FBN3: variants seen among roughly 807,000 people sequenced by gnomAD.
The protein encoded by FBN3 is fibrillin 3.
Under a neutral mutation model 330.1 loss-of-function variants are expected in FBN3, and 234 were observed. That is an observed-to-expected ratio of 0.71 (90% CI 0.64 to 0.79). The LOEUF (loss-of-function observed/expected upper bound fraction) is 0.79, where lower values mean the gene tolerates loss of function less well. Among genes scored for constraint, FBN3 ranks in the 30% least tolerant of loss-of-function variants. The pLI is 0.00. For missense variants in FBN3, 3,606 were observed against 3,886.9 expected (o/e 0.93, Z 1.92); for synonymous variants, 1,458 against 1,517.3 (o/e 0.96, Z 0.91).
At chr19:8,092,012 C>T (rs2082107006) in intron 47 of FBN3, among the ~76,000 whole-genome samples, 1 of 151,840 alleles carries the variant, frequency 6.6e-6, no homozygotes, top group African/African-American at 2.4e-5. Flanking sequence ...AAACCATCTA[C>T]TAACAATACA....
chr19:8,128,615 T>A (rs2083050447), intron 18 of FBN3, among the ~76,000 whole-genome samples: 1 of 152,052 alleles, frequency 6.6e-6, no homozygotes, highest in Non-Finnish European at 1.5e-5. Flanking sequence ...TATATGTGTC[T>A]TTGAGTGTGT....
At chr19:8,142,239 G>A in intron 6 of FBN3, 102 bp from the exon 7 acceptor site, 1 of 886,796 alleles carries the variant, frequency 1.1e-6, no homozygotes, top group East Asian at 2.7e-5. Context: ...CCACAGACCA[G>A]GCTTTACTTA....
In FBN3 at chr19:8,065,962, C is replaced by T; in HGVS notation, c.8387G>A (p.Trp2796Ter). The T allele has an allele frequency of 6.2e-7, 1 of 1,609,846 alleles. No homozygotes were observed. Among genetic ancestry groups the T allele is most frequent in the Non-Finnish European group, 8.5e-7 (1 of 1,177,760 alleles). The change falls in exon 64 of 64, where the codon TGG becomes TAG. Residue 2796 changes from tryptophan to a stop codon, truncating the protein, a stop_gained. Transcript: ENST00000600128. LOFTEE classifies it low-confidence loss of function (END_TRUNC). ...CACCTTCAGCCTCAAGGCCTGGCCCCATGGCCCTGGCTGCCCCTCTGGCTG... is the reference window on the plus strand; with the variant it reads ...CACCTTCAGCCTCAAGGCCTGGCCCTATGGCCCTGGCTGCCCCTCTGGCTG... ...GVQPEGQPGP[W>*]GQALRLKVQL...
chr19:8,075,589 T>G (rs748972633), intron 59 of FBN3, among the ~76,000 whole-genome samples, 178 bp from the exon 60 acceptor site: 33 of 152,234 alleles, frequency 2.2e-4, no homozygotes, highest in Non-Finnish European at 4.4e-4. Flanking sequence ...GGCACCAATG[T>G]TTGAGATCCT....
Position 8,109,853 on chromosome 19 carries a change from C to G in FBN3, c.4334-100G>C. ...AGCTACAGCCCTCGCTCAAGGTCAACTCCTGGGCACCAGATTGTGGGACAA... is the reference window on the plus strand; with the variant it reads ...AGCTACAGCCCTCGCTCAAGGTCAAGTCCTGGGCACCAGATTGTGGGACAA... On this transcript the variant is annotated intron_variant, in intron 34 of 63. Coordinates refer to ENST00000600128, the MANE Select transcript of FBN3 (RefSeq NM_032447.5). The surrounding 1 kb of genome is among the most constrained non-coding windows in gnomAD (Gnocchi z 5.2). 7.7e-7 allele frequency: 1 copy of G among 1,290,994 alleles called. No individual in the cohort carries two copies. The highest frequency in any genetic ancestry group is 1.0e-6 in the Non-Finnish European group (1 of 974,790). The allele number at this position is 1,290,994 out of a possible 1,614,324, so 80.0% of individuals were successfully genotyped here. A position where few individuals can be genotyped will look rare whatever the true frequency, so the allele number is the denominator to read the frequency against.
In FBN3 at chr19:8,096,645, G is replaced by A; in HGVS notation, c.5414-76C>T. ...CCTGAGCTCTCCCTACTGCAATGGGGAAGCCAGAATCTGCCTTGAAGTTCC... is the reference window on the plus strand; with the variant it reads ...CCTGAGCTCTCCCTACTGCAATGGGAAAGCCAGAATCTGCCTTGAAGTTCC... On this transcript the variant is annotated intron_variant, in intron 43 of 63. Transcript: ENST00000600128. The surrounding 1 kb of genome is among the most constrained non-coding windows in gnomAD (Gnocchi z 4.6). The A allele has an allele frequency of 6.6e-7, 1 of 1,520,930 alleles. No homozygotes were observed. The allele number at this position is 1,520,930 out of a possible 1,614,324, so 94.2% of individuals were successfully genotyped here.
intron 28 of FBN3, 146 bp from the exon 29 acceptor site, chr19:8,116,945 T>C: frequency 8.4e-7 from 1 of 1,188,252 alleles, no homozygotes; most frequent in Non-Finnish European, 1.2e-6. Flanking sequence ...CAAGCAGTTC[T>C]GAGGTTCTTT....
chr19:8,096,646 A>T lies in FBN3; in HGVS notation c.5414-77T>A, dbSNP rs2082215686. The T allele has an allele frequency of 2.0e-6, 3 of 1,519,960 alleles. No individual in the cohort carries two copies. Among genetic ancestry groups the T allele is most frequent in the Non-Finnish European group, 2.6e-6 (3 of 1,135,166 alleles). The allele number at this position is 1,519,960 out of a possible 1,614,324, so 94.2% of individuals were successfully genotyped here. ...CTGAGCTCTCCCTACTGCAATGGGGAAGCCAGAATCTGCCTTGAAGTTCCC... is the reference window on the plus strand; with the variant it reads ...CTGAGCTCTCCCTACTGCAATGGGGTAGCCAGAATCTGCCTTGAAGTTCCC... On this transcript the variant is annotated intron_variant, in intron 43 of 63. Coordinates refer to ENST00000600128, the MANE Select transcript of FBN3 (RefSeq NM_032447.5). This position sits in a 1 kb window ranked among gnomAD's most constrained non-coding sequence, Gnocchi z 4.6.
chr19:8,135,935 T>TAG, intron 13 of FBN3, 26 bp downstream of exon 13: 1 of 1,344,152 alleles, frequency 7.4e-7, no homozygotes, highest in Non-Finnish European at 1.0e-6. Context: ...CGGAAGCCCC[T>TAG]GCCCACCCGC....
chr19:8,127,703 G>C (rs1599408246), intron 18 of FBN3, among the ~76,000 whole-genome samples: 1 of 152,230 alleles, frequency 6.6e-6, no homozygotes, highest in Admixed American at 6.5e-5. Flanking sequence ...GATATCACAG[G>C]CTGGGCGCTG....
chr19:8,112,083 C>T lies in FBN3; in HGVS notation c.3855G>A (p.Glu1285=). The change falls in exon 31 of 64, where the codon GAG becomes GAA. Residue 1285 remains glutamate, a synonymous_variant. Transcript: ENST00000600128. Reference sequence around the variant, plus strand: ...GACTGTCACAGTTGTGTCCTCCAACCTCGCATTCATCCACATCTAAAGGGA... The same window carrying T: ...GACTGTCACAGTTGTGTCCTCCAACTTCGCATTCATCCACATCTAAAGGGA... ...ATGCSDVDEC[E]VGGHNCDSHA... 1 of 1,613,554 alleles carries T rather than the reference C, an allele frequency of 6.2e-7. No homozygotes were observed. The highest frequency in any genetic ancestry group is 8.5e-7 in the Non-Finnish European group (1 of 1,179,804).
In FBN3 at chr19:8,116,659, G is replaced by A. The variant is rs77275164; in HGVS notation, c.3712+15C>T. 0.022 allele frequency: 24,388 copies of A among 1,131,906 alleles called. 221 individuals are homozygous for A. The highest frequency in any genetic ancestry group is 0.027 in the Non-Finnish European group (21,536 of 792,990). 70.1% of individuals were successfully genotyped at this position (1,131,906 alleles called of 1,614,324 possible). A position where few individuals can be genotyped will look rare whatever the true frequency, so the allele number is the denominator to read the frequency against. On this transcript the variant is annotated intron_variant, in intron 29 of 63. Coordinates refer to ENST00000600128, the MANE Select transcript of FBN3 (RefSeq NM_032447.5). ...CCTCCTCCACCCGCCCCGCCCCACCGTCCCGGCTCCTCACCAACACATGTC... is the reference window on the plus strand; with the variant it reads ...CCTCCTCCACCCGCCCCGCCCCACCATCCCGGCTCCTCACCAACACATGTC...
At chr19:8,123,696 C>T (rs1310343354) in intron 23 of FBN3, 88 bp downstream of exon 23, 1 of 1,592,672 alleles carries the variant, frequency 6.3e-7, no homozygotes, top group African/African-American at 1.3e-5. Context: ...TCCCCTTTTC[C>T]CCCAAACACA....
rs1198439825 is a variant in FBN3 at position 8,103,688 on chromosome 19, C to A, written c.4814-1G>T. The A allele has an allele frequency of 1.2e-6, 2 of 1,612,774 alleles. No individual in the cohort carries two copies. The highest frequency in any genetic ancestry group is 2.7e-5 in the African/African-American group (2 of 74,872). ...GAGTGTGTGGAGCATTCGTCAATATCTGCAGGGAAAGAAGGGGTGGAGGGG... is the reference window on the plus strand; with the variant it reads ...GAGTGTGTGGAGCATTCGTCAATATATGCAGGGAAAGAAGGGGTGGAGGGG... On this transcript the variant is annotated splice_acceptor_variant, in intron 38 of 63. Coordinates refer to ENST00000600128, the MANE Select transcript of FBN3 (RefSeq NM_032447.5). LOFTEE classifies it high-confidence loss of function.
intron 63 of FBN3, among the ~76,000 whole-genome samples, chr19:8,071,239 C>T (rs2081505045): frequency 6.6e-6 from 1 of 152,170 alleles, no homozygotes; most frequent in African/African-American, 2.4e-5. Context: ...GGCAAAAATG[C>T]CCTCTCTGCA....
At chr19:8,135,936 G>GGGGGGGGGGGGGGCGGCC in intron 13 of FBN3, 25 bp downstream of exon 13, 1 of 668,778 alleles carries the variant, frequency 1.5e-6, no homozygotes, top group South Asian at 1.6e-5. Context: ...GGAAGCCCCT[G>GGGGGGGGGGGGGGCGGCC]CCCACCCGCC....
rs565602684 is a variant in FBN3, at chr19:8,131,710, C to T, written c.1834G>A (p.Val612Met). 1.5e-5 allele frequency: 24 copies of T among 1,613,846 alleles called. No individual in the cohort carries two copies. The highest frequency in any genetic ancestry group is 9.9e-5 in the South Asian group (9 of 91,074). ...CAGGTGCTGCGCACGTGGGTGTCCA[C>T]GCACACGCGGCCATCCGTGCCTACC... ...LAVGTDGRVC[V>M]DTHVRSTCYG... is the part of the protein sequence containing the mutation. The change falls in exon 15 of 64, where the codon GTG becomes ATG. Residue 612 changes from valine (V) to methionine (M), a missense_variant. Transcript: ENST00000600128. This position sits in a 1 kb window ranked among gnomAD's most constrained non-coding sequence, Gnocchi z 4.5.
chr19:8,090,334 T>C, intron 48 of FBN3, 83 bp from the exon 49 acceptor site: 6 of 1,494,526 alleles, frequency 4.0e-6, no homozygotes, highest in Non-Finnish European at 5.5e-6. Flanking sequence ...ACCCCAGTCC[T>C]GGTGAATGGG....
rs527815867 is a variant in FBN3 at position 8,100,956 on chromosome 19, C to A, written c.5106G>T (p.Leu1702=). ...PTPISPDYQI[L]CGNQAPGFLT... ...GGAATCCCGGGGCCTGATTTCCACA[C>A]AGGATCTGGTAGTCAGCTGCGCAAA... The change falls in exon 41 of 64, where the codon CTG becomes CTT. Residue 1702 remains leucine (L), a synonymous_variant. Transcript: ENST00000600128. 1 of 1,613,728 alleles carries A rather than the reference C, an allele frequency of 6.2e-7. No individual in the cohort carries two copies. The highest frequency in any genetic ancestry group is 2.2e-5 in the East Asian group (1 of 44,838).
Sources: allele counts gnomAD v4.1 joint callset (sites outside exome capture counted in the v4.1 genomes callset), GRCh38; gene constraint gnomAD v4.1.1; non-coding constraint Gnocchi (gnomAD v3.1); transcripts MANE v1.5; gene names NCBI Gene and HGNC (gene_info 2026-07-23, HGNC 2026-07-21).